The following SYNPO2 variants were observed in gnomAD, a reference collection of about 807,000 sequenced individuals.
SYNPO2 encodes synaptopodin 2.
SYNPO2 carries 56 observed loss-of-function variants against 85.0 expected under a neutral mutation model. The observed-to-expected ratio is 0.66, with a 90% CI of 0.53 to 0.82. The LOEUF (loss-of-function observed/expected upper bound fraction) is 0.82, where lower values mean the gene tolerates loss of function less well. SYNPO2 is among the 40% of genes least tolerant of loss of function. SYNPO2 has a pLI of 0.00. For synonymous variants in SYNPO2, 602 were observed against 591.1 expected (o/e 1.02, Z -0.27); for missense variants, 1,575 against 1,534.2 (o/e 1.03, Z -0.44).
chr4:118,993,911 A>G (rs1426116129), intron 1 of SYNPO2, among the ~76,000 whole-genome samples: 1 of 152,238 alleles, frequency 6.6e-6, no homozygotes, highest in Non-Finnish European at 1.5e-5. Context: ...GAATGATTTA[A>G]TGCTTTGCCT....
chr4:119,017,949 C>T (rs1353956914), intron 1 of SYNPO2, among the ~76,000 whole-genome samples: 1 of 151,982 alleles, frequency 6.6e-6, no homozygotes, highest in Non-Finnish European at 1.5e-5. Context: ...CTTGGAAGAC[C>T]TGGAAATGAA....
At chr4:119,032,512 A>T (rs1376291948) in intron 4 of SYNPO2, 4 of 1,009,526 alleles carry the variant, frequency 4.0e-6, no homozygotes, top group Non-Finnish European at 4.7e-6. Flanking sequence ...TGTTAAAGGA[A>T]TAAGGAATCT....
chr4:118,976,284 C>T (rs1456392327), intron 1 of SYNPO2, among the ~76,000 whole-genome samples: 1 of 152,072 alleles, frequency 6.6e-6, no homozygotes, highest in Non-Finnish European at 1.5e-5. Context: ...TGTTACAGCT[C>T]TTAAGGCAGC....
chr4:118,920,226 A>G (rs1733488677), intron 1 of SYNPO2, among the ~76,000 whole-genome samples: 1 of 152,172 alleles, frequency 6.6e-6, no homozygotes, highest in Non-Finnish European at 1.5e-5. Context: ...AACAGCGACT[A>G]TAGGAGAAGG....
intron 1 of SYNPO2, among the ~76,000 whole-genome samples, chr4:118,948,759 A>T (rs868169562): frequency 7.9e-5 from 12 of 152,154 alleles, no homozygotes; most frequent in African/African-American, 2.7e-4. Context: ...AGGCACCAAG[A>T]CATTCATGAG....
chr4:118,881,973 C>G (rs568241602), intron 1 of SYNPO2, among the ~76,000 whole-genome samples: 1 of 152,352 alleles, frequency 6.6e-6, no homozygotes, highest in South Asian at 2.1e-4. Flanking sequence ...TATAGGTCCT[C>G]AAGTGTTTAT....
chr4:118,895,683 C>A (rs1225417736), intron 1 of SYNPO2, among the ~76,000 whole-genome samples: 1 of 152,138 alleles, frequency 6.6e-6, no homozygotes, highest in African/African-American at 2.4e-5. Flanking sequence ...AATCTAGCCA[C>A]CTTTTAAGAT....
chr4:118,854,767 T>A (rs192660476), intron 1 of SYNPO2, among the ~76,000 whole-genome samples: 1 of 152,170 alleles, frequency 6.6e-6, no homozygotes. Flanking sequence ...ACAACTGAAA[T>A]TGAAGTTATA....
intron 2 of SYNPO2, among the ~76,000 whole-genome samples, chr4:119,025,079 C>T (rs996574101): frequency 1.3e-5 from 2 of 152,174 alleles, no homozygotes; most frequent in African/African-American, 4.8e-5. Flanking sequence ...TTTATTCGCT[C>T]ATGCTTTTAT....
chr4:118,891,569 G>C (rs1181477656), intron 1 of SYNPO2, among the ~76,000 whole-genome samples: 1 of 152,182 alleles, frequency 6.6e-6, no homozygotes, highest in Non-Finnish European at 1.5e-5. Context: ...CACTTTCTCT[G>C]TTATCAAGGC....
rs1739403614 is a variant in SYNPO2, at chr4:119,061,230, T to A, written c.*3296T>A. 6.6e-6 allele frequency: 1 copy of A among 152,138 alleles called. No individual in the cohort carries two copies. The highest frequency in any genetic ancestry group is 6.6e-5 in the Admixed American group (1 of 15,260). The allele number at this position is 152,138 out of a possible 1,614,324, so 9.4% of individuals were successfully genotyped here. On this transcript the variant is annotated 3_prime_UTR_variant, in exon 5 of 5. Coordinates refer to ENST00000307142, the MANE Select transcript of SYNPO2 (RefSeq NM_133477.3). ...AAATTGAAATTATATTAGTAATAAA[T>A]GTAACTTGAAAAATCAAGTTTAGGA... is the stretch of plus-strand genomic sequence containing the variant.
At chr4:118,913,345 G>C (rs972835853) in intron 1 of SYNPO2, among the ~76,000 whole-genome samples, 1 of 152,092 alleles carries the variant, frequency 6.6e-6, no homozygotes, top group African/African-American at 2.4e-5. Flanking sequence ...CCAGACCTAG[G>C]GAGTACCTGG....
intron 1 of SYNPO2, among the ~76,000 whole-genome samples, chr4:118,983,917 T>C (rs1216200544): frequency 6.6e-6 from 1 of 152,206 alleles, no homozygotes; most frequent in Non-Finnish European, 1.5e-5. Context: ...TTCCCCTCCT[T>C]ACCTTTCCTC....
intron 1 of SYNPO2, among the ~76,000 whole-genome samples, chr4:118,853,169 G>A (rs35454727): frequency 0.11 from 17,459 of 152,210 alleles, 1,292 homozygotes; most frequent in Non-Finnish European, 0.16. Context: ...ATAAGAGGAG[G>A]AAGTTGACTT....
intron 4 of SYNPO2, chr4:119,038,606 G>A: frequency 2.1e-6 from 2 of 961,410 alleles, no homozygotes; most frequent in Non-Finnish European, 2.5e-6. Flanking sequence ...CACCTAGCAT[G>A]GCTTGCTACT....
Position 119,026,797 on chromosome 4 carries a change from C to T in SYNPO2, c.428C>T (p.Ala143Val). The T allele has an allele frequency of 1.3e-6, 2 of 1,594,848 alleles. No individual in the cohort carries two copies. The highest frequency in any genetic ancestry group is 1.7e-6 in the Non-Finnish European group (2 of 1,170,562). The change falls in exon 3 of 5, where the codon GCT becomes GTT. Residue 143 changes from alanine to valine, a missense_variant. By Grantham distance (64) the Ala-to-Val change is moderately conservative (BLOSUM62 0). Around this residue, in one of 3 missense-constraint regions of SYNPO2, gnomAD observed 1,508 missense variants for 1,446.8 expected, o/e 1.04. Transcript: ENST00000307142. ...LAPVKTEVPLAENQRSGPDCA... is the reference protein window; with the variant it reads ...LAPVKTEVPLVENQRSGPDCA... Reference sequence around the variant, plus strand: ...CCTGTCAAGACTGAAGTTCCCCTAGCTGAGAACCAAAGAAGTGGTCCCGAC... The same window carrying T: ...CCTGTCAAGACTGAAGTTCCCCTAGTTGAGAACCAAAGAAGTGGTCCCGAC...
At chr4:119,049,771 A>T (rs1738977593) in intron 4 of SYNPO2, among the ~76,000 whole-genome samples, 1 of 152,238 alleles carries the variant, frequency 6.6e-6, no homozygotes, top group African/African-American at 2.4e-5. Flanking sequence ...AAGATGGTTT[A>T]TGTTAAGCTG....
At chr4:118,858,256 A>C (rs1019768594) in intron 1 of SYNPO2, among the ~76,000 whole-genome samples, 1 of 152,206 alleles carries the variant, frequency 6.6e-6, no homozygotes, top group Non-Finnish European at 1.5e-5. Context: ...TGCTGCCCTG[A>C]AAACAAGTAC....
At chr4:118,915,022 AC>A (rs1240285540) in intron 1 of SYNPO2, among the ~76,000 whole-genome samples, 3 of 146,138 alleles carry the variant, frequency 2.1e-5, no homozygotes, top group African/African-American at 2.5e-5. Context: ...AAAAAAAAAA[AC>A]AGAAAAATCA....
Sources: gnomAD v4.1 joint callset for allele counts (sites outside exome capture counted in the v4.1 genomes callset) on GRCh38, gnomAD v4.1.1 for gene constraint, gnomAD v4.1.1 regional missense constraint, MANE v1.5 for transcripts, NCBI Gene and HGNC (gene_info 2026-07-23, HGNC 2026-07-21) for gene names.